MICU1: variants seen among roughly 807,000 people sequenced by gnomAD.
The protein encoded by MICU1 is calcium uptake protein 1, mitochondrial.
Under a neutral mutation model 56.8 loss-of-function variants are expected in MICU1, and 45 were observed. The observed-to-expected ratio is 0.79, with a 90% CI of 0.62 to 1.02. MICU1 has a LOEUF of 1.02. Among genes scored for constraint, MICU1 ranks in the 50% least tolerant of loss-of-function variants. MICU1 has a pLI of 0.00. For synonymous variants in MICU1, 186 were observed against 195.1 expected, an observed-to-expected ratio of 0.95 and a Z score of 0.39; for missense variants, 504 against 587.1, an observed-to-expected ratio of 0.86 and a Z score of 1.46.
At chr10:72,524,682 C>G in intron 5 of MICU1, 4 of 1,206,684 alleles carry the variant, frequency 3.3e-6, no homozygotes, top group Non-Finnish European at 4.1e-6. Context: ...TGAAGCATTA[C>G]TATGGATTTT....
At chr10:72,584,322 A>C (rs989193020) in intron 1 of MICU1, among the ~76,000 whole-genome samples, 3 of 152,204 alleles carry the variant, frequency 2.0e-5, no homozygotes, top group Non-Finnish European at 4.4e-5. Flanking sequence ...ACTGCACAGA[A>C]AAACAAAATA....
intron 2 of MICU1, among the ~76,000 whole-genome samples, chr10:72,566,241 T>C (rs973381474): frequency 1.3e-5 from 2 of 152,232 alleles, no homozygotes; most frequent in African/African-American, 4.8e-5. Flanking sequence ...AGATGGGTTT[T>C]TGCCATGTTG....
intron 8 of MICU1, among the ~76,000 whole-genome samples, chr10:72,437,723 A>G (rs1864778821): frequency 1.3e-5 from 2 of 152,172 alleles, no homozygotes; most frequent in Non-Finnish European, 2.9e-5. Context: ...GAAACGGAAA[A>G]CAAAAAAAAG....
At chr10:72,534,209 A>C (rs2132411556) in intron 4 of MICU1, among the ~76,000 whole-genome samples, 2 of 152,126 alleles carry the variant, frequency 1.3e-5, no homozygotes, top group South Asian at 4.1e-4. Flanking sequence ...AAAAAAAAAA[A>C]AAAACTATTG....
chr10:72,475,763 T>C (rs560549073), intron 7 of MICU1: 196 of 447,184 alleles, frequency 4.4e-4, no homozygotes, highest in African/African-American at 3.5e-3. Flanking sequence ...ATTATCCTTA[T>C]TTTATAAATA....
intron 8 of MICU1, among the ~76,000 whole-genome samples, chr10:72,463,757 A>AATTTATATATTATATAAAT (rs1865706590): frequency 6.6e-6 from 1 of 152,174 alleles, no homozygotes; most frequent in Admixed American, 6.5e-5. Flanking sequence ...GTATACCCTA[A>AATTTATATATTATATAAAT]GTGTACAGTG....
chr10:72,429,828 G>C lies in MICU1; in HGVS notation c.934-6457C>G, dbSNP rs75730483. 7.5e-3 allele frequency among the ~76,000 whole-genome samples: 1,139 copies of C among 152,260 alleles called. 14 individuals carry two copies. The highest frequency in any genetic ancestry group is 0.026 in the African/African-American group (1,075 of 41,548). On this transcript the variant is annotated intron_variant, in intron 8 of 11. Coordinates refer to ENST00000361114, the MANE Select transcript of MICU1 (RefSeq NM_001195518.2). ...TTATACTTGCCAGGTGCCATCCTAGGAACTAACCTTTGTTAATTCTCGCAA... is the reference window on the plus strand; with the variant it reads ...TTATACTTGCCAGGTGCCATCCTAGCAACTAACCTTTGTTAATTCTCGCAA...
At chr10:72,578,412 C>T (rs1204408171) in intron 1 of MICU1, among the ~76,000 whole-genome samples, 1 of 143,540 alleles carries the variant, frequency 7.0e-6, no homozygotes, top group Non-Finnish European at 1.5e-5. Context: ...CATGTGCCAC[C>T]ATGCCTGGCT....
At chr10:72,543,003 C>T (rs1052531460) in intron 4 of MICU1, among the ~76,000 whole-genome samples, 5 of 152,214 alleles carry the variant, frequency 3.3e-5, no homozygotes, top group African/African-American at 1.2e-4. Flanking sequence ...GAAGTCAAGT[C>T]ACTTCTCTCC....
At position 72,508,284 on chromosome 10, in the gene MICU1, G is replaced by A. The variant is rs1388473424; in HGVS notation, c.538-15C>T. 3.1e-6 allele frequency: 4 copies of A among 1,298,674 alleles called. No individual in the cohort carries two copies. The highest frequency in any genetic ancestry group is 2.9e-5 in the African/African-American group (2 of 68,750). 80.4% of individuals were successfully genotyped at this position (1,298,674 alleles called of 1,614,324 possible). A position where few individuals can be genotyped will look rare whatever the true frequency, so the allele number is the denominator to read the frequency against. On this transcript the variant is annotated splice_polypyrimidine_tract_variant and intron_variant, in intron 5 of 11. Transcript: ENST00000361114. ...TGGGAAATTTTCTATAGAATGTATG[G>A]GTCCCACCAAAAGACAAAAATATAT...
chr10:72,453,713 T>C (rs1273275039), intron 8 of MICU1, among the ~76,000 whole-genome samples: 3 of 151,680 alleles, frequency 2.0e-5, no homozygotes, highest in African/African-American at 7.3e-5. Context: ...GTATTTTTAG[T>C]AGAGACAGGA....
intron 10 of MICU1, among the ~76,000 whole-genome samples, chr10:72,383,883 C>CT (rs755226698): frequency 1.1e-4 from 16 of 152,168 alleles, no homozygotes; most frequent in Admixed American, 7.2e-4. Context: ...ACTGCAACCT[C>CT]TGCCTCCTGG....
chr10:72,404,908 AT>A (rs1231055736), intron 10 of MICU1, among the ~76,000 whole-genome samples: 1 of 152,002 alleles, frequency 6.6e-6, no homozygotes, highest in Non-Finnish European at 1.5e-5. Flanking sequence ...TTATTTACTT[AT>A]TTAATTATTA....
At chr10:72,479,584 A>G (rs1346221990) in intron 6 of MICU1, among the ~76,000 whole-genome samples, 1 of 152,212 alleles carries the variant, frequency 6.6e-6, no homozygotes, top group Non-Finnish European at 1.5e-5. Context: ...GCTAGAATGC[A>G]GTGGCACAGT....
At chr10:72,510,443 A>T (rs917876405) in intron 5 of MICU1, among the ~76,000 whole-genome samples, 4 of 152,228 alleles carry the variant, frequency 2.6e-5, no homozygotes, top group African/African-American at 4.8e-5. Context: ...ACCTCAGCAT[A>T]GATTTCCTGG....
chr10:72,571,899 T>A (rs1419287580), intron 1 of MICU1, among the ~76,000 whole-genome samples: 1 of 150,434 alleles, frequency 6.6e-6, no homozygotes, highest in African/African-American at 2.5e-5. Flanking sequence ...AAAAAAAAAA[T>A]AATGATAAAG....
At chr10:72,468,376 T>A (rs146112864) in intron 8 of MICU1, among the ~76,000 whole-genome samples, 9 of 151,932 alleles carry the variant, frequency 5.9e-5, no homozygotes, top group African/African-American at 2.2e-4. Context: ...TTTCAAATAA[T>A]TTTCTAATAC....
chr10:72,524,612 G>A (rs987681089), intron 5 of MICU1: 39 of 575,262 alleles, frequency 6.8e-5, no homozygotes, highest in African/African-American at 3.5e-4. Flanking sequence ...TGACAGGAAC[G>A]AAATCATTCT....
chr10:72,518,713 C>T (rs938268969), intron 5 of MICU1, among the ~76,000 whole-genome samples: 2 of 152,118 alleles, frequency 1.3e-5, no homozygotes, highest in African/African-American at 2.4e-5. Flanking sequence ...GATGGAGCCT[C>T]GCTCTGTTGC....
Sources: allele counts gnomAD v4.1 joint callset (sites outside exome capture counted in the v4.1 genomes callset), GRCh38; gene constraint gnomAD v4.1.1; transcripts MANE v1.5; gene names NCBI Gene and HGNC (gene_info 2026-07-23, HGNC 2026-07-21).